The following CTCF variants were observed in gnomAD, a reference collection of about 807,000 sequenced individuals.
The protein encoded by CTCF is CCCTC-binding factor.
CTCF carries 7 observed loss-of-function variants against 72.3 expected under a neutral mutation model. That is an observed-to-expected ratio of 0.10 (90% CI 0.06 to 0.18). The LOEUF is 0.18. Among genes scored for constraint, CTCF ranks in the 10% least tolerant of loss-of-function variants. The pLI, the probability that CTCF is intolerant of heterozygous loss-of-function variation, is 1.00. For synonymous variants in CTCF, 374 were observed against 315.8 expected (o/e 1.18, Z -1.95); for missense variants, 516 against 949.1 (o/e 0.54, Z 6.00).
chr16:67,600,779 G>T (rs958380608), intron 2 of CTCF, among the ~76,000 whole-genome samples: 21 of 151,922 alleles, frequency 1.4e-4, no homozygotes, highest in Admixed American at 1.1e-3. Context: ...ACCTTTAACT[G>T]AATAGCTGAG....
intron 1 of CTCF, among the ~76,000 whole-genome samples, chr16:67,566,678 G>A (rs2142703001): frequency 6.7e-6 from 1 of 149,624 alleles, no homozygotes. Flanking sequence ...CCAGGTTCAC[G>A]CCATTCTCCT....
intron 2 of CTCF, among the ~76,000 whole-genome samples, chr16:67,590,852 T>C (rs751019331): frequency 2.0e-5 from 3 of 151,176 alleles, no homozygotes; most frequent in Admixed American, 6.6e-5. Flanking sequence ...TCCCAGCTAC[T>C]TGGGAGGCTG....
At chr16:67,636,973 G>T in intron 11 of CTCF, 122 bp downstream of exon 11, 2 of 891,884 alleles carry the variant, frequency 2.2e-6, no homozygotes, top group Non-Finnish European at 3.2e-6. Flanking sequence ...AGGGCATGTC[G>T]AGAACAAACT....
intron 4 of CTCF, chr16:67,616,019 G>A (rs1206094109): frequency 6.6e-6 from 1 of 152,190 alleles, no homozygotes; most frequent in African/African-American, 2.4e-5. Flanking sequence ...GCACTGCATT[G>A]TGCTCTCAGT....
chr16:67,578,546 T>C (rs2051534992), intron 2 of CTCF, among the ~76,000 whole-genome samples: 2 of 149,792 alleles, frequency 1.3e-5, no homozygotes, highest in African/African-American at 4.9e-5. Context: ...TTGGCCAGGC[T>C]GGTCTCGAAC....
chr16:67,630,266 A>G (rs1164450124), intron 10 of CTCF, among the ~76,000 whole-genome samples: 5 of 152,184 alleles, frequency 3.3e-5, no homozygotes, highest in African/African-American at 9.7e-5. Context: ...AAGCATCTTC[A>G]CTTATGGTTT....
intron 6 of CTCF, chr16:67,621,023 A>G (rs979544670): frequency 4.7e-6 from 2 of 426,208 alleles, no homozygotes; most frequent in Non-Finnish European, 8.0e-6. Context: ...GTTTTGTTCA[A>G]CTTGAATCTG....
intron 2 of CTCF, among the ~76,000 whole-genome samples, chr16:67,583,922 G>A (rs2051624736): frequency 6.6e-6 from 1 of 152,170 alleles, no homozygotes; most frequent in Non-Finnish European, 1.5e-5. Context: ...GCTCAGTAGA[G>A]TGGTGTGCAT....
At chr16:67,577,832 T>C (rs1156818504) in intron 2 of CTCF, among the ~76,000 whole-genome samples, 1 of 152,130 alleles carries the variant, frequency 6.6e-6, no homozygotes, top group Non-Finnish European at 1.5e-5. Flanking sequence ...AGGAGGAAGC[T>C]CCTGCATCTG....
chr16:67,624,373 A>T (rs1269666137), intron 7 of CTCF, among the ~76,000 whole-genome samples: 1 of 151,714 alleles, frequency 6.6e-6, no homozygotes, highest in Non-Finnish European at 1.5e-5. Flanking sequence ...CACTCTCTGA[A>T]TGTAGTGAAG....
At chr16:67,586,730 A>G (rs2051673929) in intron 2 of CTCF, among the ~76,000 whole-genome samples, 1 of 151,634 alleles carries the variant, frequency 6.6e-6, no homozygotes, top group Non-Finnish European at 1.5e-5. Flanking sequence ...AGCCTCTTTT[A>G]TTCTTCATAG....
At chr16:67,602,935 G>A (rs563584155) in intron 2 of CTCF, among the ~76,000 whole-genome samples, 5 of 152,024 alleles carry the variant, frequency 3.3e-5, no homozygotes, top group Admixed American at 1.3e-4. Flanking sequence ...TGGGTCAAGG[G>A]TGGGACCTGA....
At chr16:67,589,073 T>G (rs1413622947) in intron 2 of CTCF, among the ~76,000 whole-genome samples, 2 of 151,988 alleles carry the variant, frequency 1.3e-5, no homozygotes, top group East Asian at 3.9e-4. Flanking sequence ...AGGAAGATTG[T>G]TTGAAGCCAG....
chr16:67,620,926 A>G, intron 6 of CTCF, 109 bp downstream of exon 6: 1 of 880,782 alleles, frequency 1.1e-6, no homozygotes, highest in East Asian at 2.8e-5. Context: ...GAAGACTGGC[A>G]TGAAAATAGT....
chr16:67,623,935 G>C (rs1016455959), intron 7 of CTCF, among the ~76,000 whole-genome samples: 33 of 151,016 alleles, frequency 2.2e-4, no homozygotes, highest in African/African-American at 8.0e-4. Flanking sequence ...GTAGTCCCAG[G>C]TACTTGGGAG....
At chr16:67,636,456 G>T (rs899677222) in intron 10 of CTCF, among the ~76,000 whole-genome samples, 3 of 148,148 alleles carry the variant, frequency 2.0e-5, no homozygotes, top group African/African-American at 5.0e-5. Context: ...GCTGAGCCAC[G>T]AGAATTGCTT....
intron 2 of CTCF, among the ~76,000 whole-genome samples, chr16:67,583,021 C>A (rs1399592126): frequency 6.9e-6 from 1 of 144,140 alleles, no homozygotes; most frequent in African/African-American, 2.6e-5. Context: ...TGCTCTGTTG[C>A]ACAGGCTGGA....
rs1027722230 is a variant in CTCF at position 67,620,635 on chromosome 16, A to G, written c.1087-62A>G. 5.7e-6 allele frequency: 8 copies of G among 1,407,470 alleles called. No homozygotes were observed. The South Asian group carries it at 6.4e-5, about 11-fold the overall frequency. The allele number at this position is 1,407,470 out of a possible 1,614,324, so 87.2% of individuals were successfully genotyped here. A position where few individuals can be genotyped will look rare whatever the true frequency, so the allele number is the denominator to read the frequency against. ...AAAGCTAAGCTTTTGTGCCTAACCT[A>G]CTGTGCTCTTGTTACAGTCTGTGTT... On this transcript the variant is annotated intron_variant, in intron 5 of 11. Coordinates refer to ENST00000264010, the MANE Select transcript of CTCF (RefSeq NM_006565.4).
intron 7 of CTCF, among the ~76,000 whole-genome samples, chr16:67,624,136 T>TATGC (rs1236574965): frequency 5.0e-5 from 7 of 140,118 alleles, no homozygotes; most frequent in African/African-American, 2.1e-4. Context: ...TATATATATG[T>TATGC]GTGTGTGTGT....
Sources: gnomAD v4.1 joint callset for allele counts (sites outside exome capture counted in the v4.1 genomes callset) on GRCh38, gnomAD v4.1.1 for gene constraint, MANE v1.5 for transcripts, NCBI Gene and HGNC (gene_info 2026-07-23, HGNC 2026-07-21) for gene names.